TTLL5: variants seen among roughly 807,000 people sequenced by gnomAD.
The protein encoded by TTLL5 is tubulin tyrosine ligase like 5.
Under a neutral mutation model 168.4 loss-of-function variants are expected in TTLL5, and 132 were observed. That is an observed-to-expected ratio of 0.78 (90% CI 0.68 to 0.91). TTLL5 has a LOEUF of 0.91. Ranked by LOEUF, TTLL5 falls within the 40% of genes least tolerant of loss-of-function variation. The pLI is 0.00. For missense variants in TTLL5, 1,545 were observed against 1,581.5 expected (o/e 0.98, Z 0.39); for synonymous variants, 546 against 558.6 (o/e 0.98, Z 0.32).
intron 30 of TTLL5, among the ~76,000 whole-genome samples, chr14:75,899,806 A>C (rs1401952916): frequency 6.6e-6 from 1 of 152,098 alleles, no homozygotes. Flanking sequence ...GAGAGGGAAA[A>C]GTTTCAAGAG....
chr14:75,855,594 G>C (rs1897090267), intron 28 of TTLL5, among the ~76,000 whole-genome samples: 1 of 152,130 alleles, frequency 6.6e-6, no homozygotes, highest in Non-Finnish European at 1.5e-5. Flanking sequence ...TAGAGGGAGA[G>C]GGGAACTCTG....
chr14:75,784,853 CTT>C (rs1892272430), intron 26 of TTLL5, among the ~76,000 whole-genome samples: 1 of 152,060 alleles, frequency 6.6e-6, no homozygotes, highest in Non-Finnish European at 1.5e-5. Context: ...TGTTGAATAT[CTT>C]TTCATTTGCT....
intron 7 of TTLL5, among the ~76,000 whole-genome samples, chr14:75,703,125 TTAA>T (rs1329681624): frequency 3.3e-5 from 5 of 152,284 alleles, no homozygotes; most frequent in Non-Finnish European, 7.4e-5. Context: ...CCTTTTAGAT[TTAA>T]GCAGGAGGGT....
intron 2 of TTLL5, among the ~76,000 whole-genome samples, chr14:75,667,980 C>T (rs370032020): frequency 0.013 from 1,986 of 151,906 alleles, 18 homozygotes; most frequent in South Asian, 0.035. Context: ...AGGATGGTCT[C>T]GATCTCTTGA....
chr14:75,821,855 G>C (rs184964522), intron 28 of TTLL5, among the ~76,000 whole-genome samples: 1 of 152,078 alleles, frequency 6.6e-6, no homozygotes, highest in Non-Finnish European at 1.5e-5. Flanking sequence ...AAAGTCCCCT[G>C]GTCTTTTCCT....
chr14:75,866,098 C>A (rs2030494915), intron 29 of TTLL5, among the ~76,000 whole-genome samples: 1 of 152,096 alleles, frequency 6.6e-6, no homozygotes, highest in South Asian at 2.1e-4. Context: ...AATAAGATAA[C>A]AAATAAGATA....
intron 5 of TTLL5, 129 bp downstream of exon 5, chr14:75,683,785 T>TC (rs1334108706): frequency 1.3e-6 from 1 of 769,336 alleles, no homozygotes; most frequent in Non-Finnish European, 2.0e-6. Context: ...ACTTTTTTTT[T>TC]TTTTTTTGAG....
intron 2 of TTLL5, among the ~76,000 whole-genome samples, chr14:75,665,813 CTG>C (rs1397963715): frequency 6.6e-6 from 1 of 152,194 alleles, no homozygotes; most frequent in Non-Finnish European, 1.5e-5. Context: ...GATTGTGCCA[CTG>C]TGCTCCAGCC....
chr14:75,867,867 T>C (rs1403711633), intron 29 of TTLL5, among the ~76,000 whole-genome samples: 1 of 152,054 alleles, frequency 6.6e-6, no homozygotes, highest in Non-Finnish European at 1.5e-5. Context: ...TACAGCCCAA[T>C]GCATGTCTTC....
chr14:75,797,672 C>T (rs752421442), intron 27 of TTLL5, among the ~76,000 whole-genome samples: 6 of 152,046 alleles, frequency 3.9e-5, no homozygotes, highest in Non-Finnish European at 7.4e-5. Context: ...TTGAGATTAC[C>T]ATGTGATTTT....
rs759794819 is a variant in TTLL5, at chr14:75,783,182, G to T, written c.2638G>T (p.Val880Phe). ...TTCAGCAGAAAAAGAGGCAAAATTAGTTTATAGCAATTCCTCCTCTGGTCC... is the reference window on the plus strand; with the variant it reads ...TTCAGCAGAAAAAGAGGCAAAATTATTTTATAGCAATTCCTCCTCTGGTCC... Reference protein sequence around the residue: ...TTSAEKEAKLVYSNSSSGPTA... With the variant: ...TTSAEKEAKLFYSNSSSGPTA... Residue 880 changes from valine to phenylalanine, a missense_variant, in exon 26 of 32, where the codon GTT becomes TTT. Coordinates refer to ENST00000298832, the MANE Select transcript of TTLL5 (RefSeq NM_015072.5). 11 of 1,612,990 alleles carry T rather than the reference G, an allele frequency of 6.8e-6. No individual in the cohort carries two copies. Among genetic ancestry groups the T allele is most frequent in the Non-Finnish European group, 4.2e-6 (5 of 1,179,948 alleles).
intron 30 of TTLL5, among the ~76,000 whole-genome samples, chr14:75,897,973 T>A (rs2032747120): frequency 6.6e-6 from 1 of 152,224 alleles, no homozygotes; most frequent in Non-Finnish European, 1.5e-5. Context: ...CTTCTCATGT[T>A]TGAACTCTAA....
chr14:75,661,923 TAAG>T (rs1890756597), intron 1 of TTLL5, among the ~76,000 whole-genome samples: 3 of 152,332 alleles, frequency 2.0e-5, no homozygotes, highest in Middle Eastern at 3.4e-3. Flanking sequence ...ATGGAAAAGT[TAAG>T]AAGGATTGAC....
chr14:75,680,139 C>T (rs1884489412), intron 3 of TTLL5, among the ~76,000 whole-genome samples: 1 of 152,182 alleles, frequency 6.6e-6, no homozygotes, highest in African/African-American at 2.4e-5. Context: ...CTAACTTTTT[C>T]AGTTAGTAGT....
At chr14:75,925,414 C>T (rs1429051534) in intron 31 of TTLL5, among the ~76,000 whole-genome samples, 3 of 15,908 alleles carry the variant, frequency 1.9e-4, no homozygotes, top group African/African-American at 1.1e-3. Flanking sequence ...ACATCCCAGA[C>T]GGGGCGGCGG....
chr14:75,684,228 C>T (rs963385763), intron 5 of TTLL5: 1 of 152,246 alleles, frequency 6.6e-6, no homozygotes, highest in African/African-American at 2.4e-5. Flanking sequence ...AGTTGAGCTG[C>T]TTGGGAGTAC....
chr14:75,792,202 T>C (rs1055604556), intron 26 of TTLL5, among the ~76,000 whole-genome samples: 2 of 127,928 alleles, frequency 1.6e-5, no homozygotes, highest in Non-Finnish European at 3.1e-5. Context: ...TTTGAAAATA[T>C]ACACACACTG....
chr14:75,720,059 G>C lies in TTLL5; in HGVS notation c.934+233G>C, dbSNP rs558198382. Reference sequence around the variant, plus strand: ...CATAACTTTTTCCTTTTAATCCTTAGTGAATTTACCCTTCTTGAATGTTGA... The same window carrying C: ...CATAACTTTTTCCTTTTAATCCTTACTGAATTTACCCTTCTTGAATGTTGA... On this transcript the variant is annotated intron_variant, in intron 11 of 31. Coordinates refer to ENST00000298832, the MANE Select transcript of TTLL5 (RefSeq NM_015072.5). Among the ~76,000 whole-genome samples, 5 of 152,230 alleles carry C rather than the reference G, an allele frequency of 3.3e-5. No individual in the cohort carries two copies. The South Asian group carries it at 6.2e-4, about 19-fold the overall frequency.
In TTLL5 at chr14:75,950,375, T is replaced by A. The variant is rs74066616; in HGVS notation, c.3824-4049T>A. Among the ~76,000 whole-genome samples, 896 of 152,276 alleles carry A rather than the reference T, an allele frequency of 5.9e-3. 6 individuals are homozygous for A. Among genetic ancestry groups the A allele is most frequent in the African/African-American group, 0.021 (856 of 41,544 alleles). ...AAAGGAAAGGGCTTGTAAAATCCAA[T>A]CCAGAAAGTGCAAACCATAAAGGTA... On this transcript the variant is annotated intron_variant, in intron 31 of 31. Coordinates refer to ENST00000298832, the MANE Select transcript of TTLL5 (RefSeq NM_015072.5).
Sources: gnomAD v4.1 joint callset for allele counts (sites outside exome capture counted in the v4.1 genomes callset) on GRCh38, gnomAD v4.1.1 for gene constraint, MANE v1.5 for transcripts, NCBI Gene and HGNC (gene_info 2026-07-23, HGNC 2026-07-21) for gene names.